Variants in DNAH5 observed in about 807,000 individuals in gnomAD.
DNAH5 encodes the protein axonemal beta dynein heavy chain 5.
A neutral mutation model predicts 518.2 loss-of-function variants in DNAH5; 372 were observed. The observed-to-expected ratio is 0.72, with a 90% CI of 0.66 to 0.78. The LOEUF (loss-of-function observed/expected upper bound fraction) is 0.78, where lower values mean the gene tolerates loss of function less well. Ranked by LOEUF, DNAH5 falls within the 30% of genes least tolerant of loss-of-function variation. DNAH5 has a pLI of 0.00. For synonymous variants in DNAH5, 2,039 were observed against 2,025.9 expected (o/e 1.01, Z -0.17); for missense variants, 5,523 against 5,687.0 (o/e 0.97, Z 0.93).
At chr5:13,873,066 C>G (rs1431273572) in intron 22 of DNAH5, among the ~76,000 whole-genome samples, 4 of 152,048 alleles carry the variant, frequency 2.6e-5, no homozygotes, top group African/African-American at 9.7e-5. Flanking sequence ...ACTATGCAAT[C>G]TATACATACA....
intron 12 of DNAH5, among the ~76,000 whole-genome samples, chr5:13,908,915 AT>A (rs1775668724): frequency 2.0e-5 from 3 of 152,098 alleles, no homozygotes; most frequent in Non-Finnish European, 4.4e-5. Context: ...GTGGGAAGGT[AT>A]TTTTGCCCCA....
intron 32 of DNAH5, among the ~76,000 whole-genome samples, chr5:13,843,183 C>G (rs541125200): frequency 6.6e-6 from 1 of 152,290 alleles, no homozygotes; most frequent in South Asian, 2.1e-4. Context: ...CTAACAAAGC[C>G]TTGTTACAGC....
chr5:13,709,093 C>A (rs914409659), intron 75 of DNAH5, among the ~76,000 whole-genome samples: 1 of 152,128 alleles, frequency 6.6e-6, no homozygotes, highest in African/African-American at 2.4e-5. Context: ...TTTCTCCAAG[C>A]AAGTGATCAG....
upstream of DNAH5, among the ~76,000 whole-genome samples, chr5:13,949,458 T>C (rs1780197891): frequency 6.6e-6 from 1 of 152,206 alleles, no homozygotes; most frequent in Admixed American, 6.5e-5. Context: ...TGGAGTGATA[T>C]GGTTGGTTGA....
At chr5:13,808,290 C>T (rs533563647) in intron 46 of DNAH5, among the ~76,000 whole-genome samples, 2 of 148,860 alleles carry the variant, frequency 1.3e-5, no homozygotes, top group East Asian at 3.9e-4. Flanking sequence ...GGGAAGAACA[C>T]AGTGAGAAGG....
intron 78 of DNAH5, 73 bp from the exon 79 acceptor site, chr5:13,692,208 C>G: frequency 6.0e-6 from 9 of 1,493,056 alleles, no homozygotes; most frequent in Non-Finnish European, 8.4e-6. Context: ...CAGAGCCATG[C>G]TTCTGCATTC....
chr5:13,777,066 C>A, intron 54 of DNAH5, 136 bp downstream of exon 54: 1 of 843,140 alleles, frequency 1.2e-6, no homozygotes, highest in South Asian at 1.7e-5. Context: ...ATAGAAAAAC[C>A]CATCCTTCAT....
intron 44 of DNAH5, 30 bp downstream of exon 44, chr5:13,811,617 A>G: frequency 6.2e-7 from 1 of 1,605,688 alleles, no homozygotes; most frequent in East Asian, 2.2e-5. Context: ...TTGATAAGAG[A>G]GAATTTCTCT....
intron 28 of DNAH5, 120 bp downstream of exon 28, chr5:13,864,277 T>C: frequency 1.5e-6 from 2 of 1,362,448 alleles, no homozygotes; most frequent in Non-Finnish European, 2.1e-6. Context: ...AGTGGCTGAA[T>C]GCCAGGAGAA....
chr5:13,750,027 T>C (rs1345497686), intron 65 of DNAH5, among the ~76,000 whole-genome samples: 1 of 152,132 alleles, frequency 6.6e-6, no homozygotes, highest in African/African-American at 2.4e-5. Context: ...GACTCTGTGA[T>C]TCATGTGCTA....
intron 75 of DNAH5, 42 bp from the exon 76 acceptor site, chr5:13,708,377 C>T: frequency 6.2e-7 from 1 of 1,605,158 alleles, no homozygotes; most frequent in Non-Finnish European, 8.5e-7. Flanking sequence ...CAATTAGCTA[C>T]TAAGGATTTT....
chr5:13,919,559 T>C (rs1222354008), intron 6 of DNAH5, among the ~76,000 whole-genome samples: 4 of 152,248 alleles, frequency 2.6e-5, no homozygotes, highest in Non-Finnish European at 4.4e-5. Context: ...TTGTTTTAAC[T>C]GAAAACAACT....
intron 27 of DNAH5, among the ~76,000 whole-genome samples, chr5:13,864,842 T>G (rs886744170): frequency 6.6e-6 from 1 of 152,094 alleles, no homozygotes; most frequent in African/African-American, 2.4e-5. Flanking sequence ...TAGAAAAGAT[T>G]TTTTCCAACC....
intron 55 of DNAH5, among the ~76,000 whole-genome samples, chr5:13,774,150 G>C (rs1753742562): frequency 6.6e-6 from 1 of 152,130 alleles, no homozygotes; most frequent in Admixed American, 6.6e-5. Flanking sequence ...GATGGATGGG[G>C]GACAGGTGAA....
chr5:13,917,320 A>G, intron 7 of DNAH5, 64 bp from the exon 8 acceptor site: 1 of 1,210,026 alleles, frequency 8.3e-7, no homozygotes, highest in South Asian at 1.2e-5. Context: ...CAACACAACC[A>G]CTGCTAAGAG....
chr5:13,921,976 T>C (rs1366281499), intron 5 of DNAH5, 131 bp downstream of exon 5: 2 of 902,162 alleles, frequency 2.2e-6, no homozygotes, highest in Admixed American at 2.0e-5. Context: ...AGCAATAAAA[T>C]TGCCTACAAA....
At chr5:13,775,762 C>A (rs1016811609) in intron 55 of DNAH5, among the ~76,000 whole-genome samples, 3 of 152,144 alleles carry the variant, frequency 2.0e-5, no homozygotes, top group Admixed American at 2.0e-4. Context: ...CTTCCTCCGG[C>A]AACCCCCATC....
intron 68 of DNAH5, among the ~76,000 whole-genome samples, chr5:13,731,542 T>C (rs892545048): frequency 7.2e-5 from 11 of 152,192 alleles, no homozygotes; most frequent in African/African-American, 2.4e-4. Flanking sequence ...TCCTGAATAA[T>C]GTGGTAACAA....
chr5:13,772,932 T>C (rs1236648739), intron 55 of DNAH5, among the ~76,000 whole-genome samples: 3 of 152,228 alleles, frequency 2.0e-5, no homozygotes, highest in Non-Finnish European at 4.4e-5. Flanking sequence ...ACCTTGTTGC[T>C]AATTTTCTAA....
Sources: gnomAD v4.1 joint callset for allele counts (sites outside exome capture counted in the v4.1 genomes callset) on GRCh38, gnomAD v4.1.1 for gene constraint, MANE v1.5 for transcripts, NCBI Gene and HGNC (gene_info 2026-07-23, HGNC 2026-07-21) for gene names.